AASS: variants seen among roughly 807,000 people sequenced by gnomAD.
AASS encodes the protein aminoadipate-semialdehyde synthase.
Under a neutral mutation model 105.4 loss-of-function variants are expected in AASS, and 86 were observed. That is an observed-to-expected ratio of 0.82 (90% confidence interval 0.69 to 0.98). The LOEUF (loss-of-function observed/expected upper bound fraction) is 0.98. Ranked by LOEUF, AASS falls within the 50% of genes least tolerant of loss-of-function variation. The pLI, the probability that AASS is intolerant of heterozygous loss-of-function variation, is 0.00. For missense variants in AASS, 1,048 were observed against 1,143.2 expected (o/e 0.92, Z 1.20); for synonymous variants, 381 against 394.8 (o/e 0.96, Z 0.41).
chr7:122,142,677 C>T (rs1796459226), intron 1 of AASS, among the ~76,000 whole-genome samples: 1 of 151,988 alleles, frequency 6.6e-6, no homozygotes. Context: ...TGTTTGTTTC[C>T]ATGATTTCAT....
chr7:122,097,845 T>A (rs984191734), intron 15 of AASS, among the ~76,000 whole-genome samples: 2 of 152,068 alleles, frequency 1.3e-5, no homozygotes, highest in African/African-American at 4.8e-5. Context: ...AACAGAAATG[T>A]ATAATTACTG....
intron 18 of AASS, among the ~76,000 whole-genome samples, chr7:122,088,010 A>G (rs1188232658): frequency 6.6e-5 from 10 of 152,186 alleles, no homozygotes; most frequent in Admixed American, 2.6e-4. Context: ...TTTGATATTC[A>G]TTCGTAGTTG....
At chr7:122,128,955 G>T (rs1241687016) in intron 3 of AASS, among the ~76,000 whole-genome samples, 2 of 152,100 alleles carry the variant, frequency 1.3e-5, no homozygotes, top group Non-Finnish European at 2.9e-5. Context: ...GCTGGCGCCT[G>T]TAGTCCCAGC....
chr7:122,129,787 A>G (rs1161742338), intron 2 of AASS, among the ~76,000 whole-genome samples: 1 of 152,142 alleles, frequency 6.6e-6, no homozygotes, highest in Non-Finnish European at 1.5e-5. Context: ...GTTTAAGAAG[A>G]GTTTATAATT....
At chr7:122,112,134 G>A (rs570401217) in intron 11 of AASS, among the ~76,000 whole-genome samples, 27 of 152,198 alleles carry the variant, frequency 1.8e-4, no homozygotes, top group African/African-American at 5.8e-4. Context: ...TCAGCAACAC[G>A]TCCTTAACTT....
intron 18 of AASS, among the ~76,000 whole-genome samples, chr7:122,088,437 T>G (rs1793734680): frequency 6.6e-6 from 1 of 152,090 alleles, no homozygotes; most frequent in Non-Finnish European, 1.5e-5. Flanking sequence ...TGAGGCTGAG[T>G]CACCCAAAGG....
At chr7:122,140,348 G>A (rs1052034825) in intron 1 of AASS, among the ~76,000 whole-genome samples, 1 of 151,610 alleles carries the variant, frequency 6.6e-6, no homozygotes, top group Non-Finnish European at 1.5e-5. Context: ...AGCCAGGGTC[G>A]GTGGCGGGCG....
intron 11 of AASS, among the ~76,000 whole-genome samples, chr7:122,103,539 G>A (rs1403868293): frequency 6.6e-6 from 1 of 151,904 alleles, no homozygotes; most frequent in Admixed American, 6.6e-5. Flanking sequence ...GATAAAGGTA[G>A]ATATATATTC....
intron 1 of AASS, chr7:122,133,968 G>T: frequency 1.8e-6 from 1 of 555,676 alleles, no homozygotes; most frequent in Non-Finnish European, 3.2e-6. Flanking sequence ...AGCAACGTGT[G>T]TGACACCATC....
chr7:122,094,465 T>A (rs987603173), intron 15 of AASS, among the ~76,000 whole-genome samples: 1 of 152,046 alleles, frequency 6.6e-6, no homozygotes, highest in African/African-American at 2.4e-5. Flanking sequence ...ATTTGACAAG[T>A]ACAATGATGT....
At position 122,133,797 on chromosome 7, in the gene AASS, G is replaced by C. The variant is rs545070939; in HGVS notation, c.-15-56C>G. On this transcript the variant is annotated intron_variant, in intron 1 of 23. Coordinates refer to ENST00000417368, the MANE Select transcript of AASS (RefSeq NM_005763.4). ...AAAAGGCAGCAAGGCTGGCAGATCA[G>C]TTCTGGTCTCCTGAGAAATCTGAGG... 1.2e-5 allele frequency: 17 copies of C among 1,452,204 alleles called. No homozygotes were observed. In the East Asian group the frequency reaches 3.8e-4, roughly 33 times the overall value. The allele number at this position is 1,452,204 out of a possible 1,614,324, so 90.0% of individuals were successfully genotyped here. A position where few individuals can be genotyped will look rare whatever the true frequency, so the allele number is the denominator to read the frequency against.
At chr7:122,102,638 T>C (rs1037748897) in intron 11 of AASS, among the ~76,000 whole-genome samples, 6 of 152,030 alleles carry the variant, frequency 3.9e-5, no homozygotes, top group South Asian at 4.1e-4. Flanking sequence ...CTAAAATAAA[T>C]GGTAATTTGA....
chr7:122,096,264 A>G (rs1378780322), intron 15 of AASS, among the ~76,000 whole-genome samples: 2 of 152,172 alleles, frequency 1.3e-5, no homozygotes, highest in African/African-American at 4.8e-5. Context: ...TTTTTTGTGA[A>G]ACATATTCTT....
chr7:122,118,713 G>A, intron 4 of AASS, 83 bp from the exon 5 acceptor site: 1 of 1,353,140 alleles, frequency 7.4e-7, no homozygotes, highest in South Asian at 1.2e-5. Context: ...CAATCTGCAT[G>A]GTGCCCTGCA....
In AASS at chr7:122,118,397, A is replaced by T; in HGVS notation, c.597T>A (p.Arg199=). The change falls in exon 6 of 24, where the codon CGT becomes CGA. Residue 199 remains arginine, a synonymous_variant. Transcript: ENST00000417368. ...RNSSQAVQAV[R]DAGYEISLGL... is the part of the protein sequence containing the mutation. The stretch of plus-strand genomic sequence containing the variant: ...CCAAAGATATTTCATAGCCAGCATC[A>T]CGGACAGCTTGCACAGCCTGACTGC... 6.2e-7 allele frequency: 1 copy of T among 1,614,178 alleles called. No individual in the cohort carries two copies. Among genetic ancestry groups the T allele is most frequent in the South Asian group, 1.1e-5 (1 of 91,090 alleles).
At chr7:122,102,438 T>C (rs1426273211) in intron 11 of AASS, among the ~76,000 whole-genome samples, 1 of 151,934 alleles carries the variant, frequency 6.6e-6, no homozygotes, top group Non-Finnish European at 1.5e-5. Flanking sequence ...CAAGAAGTAA[T>C]GGCATATAAG....
intron 10 of AASS, 116 bp downstream of exon 10, chr7:122,113,482 A>C: frequency 2.3e-6 from 3 of 1,330,804 alleles, no homozygotes; most frequent in Non-Finnish European, 3.2e-6. Context: ...AGTATGTTTG[A>C]GTATATCTCT....
At chr7:122,086,216 C>T (rs1402318389) in intron 18 of AASS, 37 bp from the exon 19 acceptor site, 5 of 1,606,384 alleles carry the variant, frequency 3.1e-6, no homozygotes, top group African/African-American at 1.3e-5. Context: ...GGGGTTACAG[C>T]TGTTCCTTTC....
At chr7:122,137,289 CAGG>C (rs1796188806) in intron 1 of AASS, among the ~76,000 whole-genome samples, 1 of 152,108 alleles carries the variant, frequency 6.6e-6, no homozygotes, top group Admixed American at 6.5e-5. Flanking sequence ...TAAGCAGAAG[CAGG>C]ATTCCTAGTT....
Sources: allele counts gnomAD v4.1 joint callset (sites outside exome capture counted in the v4.1 genomes callset), GRCh38; gene constraint gnomAD v4.1.1; transcripts MANE v1.5; gene names NCBI Gene and HGNC (gene_info 2026-07-23, HGNC 2026-07-21).